Variants in LMAN2 observed in about 807,000 individuals in gnomAD.
LMAN2 encodes lectin, mannose binding 2, also known as vesicular integral-membrane protein VIP36.
Under a neutral mutation model 39.3 loss-of-function variants are expected in LMAN2, and 22 were observed. The observed-to-expected ratio is 0.56, with a 90% confidence interval of 0.40 to 0.80. The LOEUF is 0.80. Among genes scored for constraint, LMAN2 ranks in the 30% least tolerant of loss-of-function variants. The probability of loss-of-function intolerance (pLI) is 0.00; values close to 1 mark genes in which losing one functional copy is unlikely to be tolerated. For synonymous variants in LMAN2, 207 were observed against 207.8 expected (o/e 1.00, Z 0.03); for missense variants, 494 against 505.4 (o/e 0.98, Z 0.22).
At position 177,331,771 on chromosome 5, in the gene LMAN2, T is replaced by C. The variant is rs1761387073; in HGVS notation, c.*315A>G. The C allele has an allele frequency of 4.1e-6, 1 of 244,354 alleles. No individual in the cohort carries two copies. Among genetic ancestry groups the C allele is most frequent in the Non-Finnish European group, 7.9e-6 (1 of 126,178 alleles). The allele number at this position is 244,354 out of a possible 1,614,324, so 15.1% of individuals were successfully genotyped here. ...CCACGTCCTCAGGAGCCCACCCCAG[T>C]GTGGTCCGGGGGACCCTCCAGTGTT... On this transcript the variant is annotated 3_prime_UTR_variant, in exon 8 of 8. Transcript: ENST00000303127.
chr5:177,332,133 C>T lies in LMAN2; in HGVS notation c.1024G>A (p.Ala342Thr), dbSNP rs1280896813. ...LGIVVCAVVG[A>T]VVFQKRQERN... ...TCCTGCCGCTTCTGGAACACCACGG[C>T]CCCCACCACGGCGCAGACAACGATG... Residue 342 changes from alanine to threonine, a missense_variant, in exon 8 of 8, where the codon GCC (alanine) becomes ACC (threonine). Physicochemically the swap from Ala to Thr is moderately conservative, Grantham distance 58. Coordinates refer to ENST00000303127, the MANE Select transcript of LMAN2 (RefSeq NM_006816.3). The surrounding 1 kb of genome is among the most constrained non-coding windows in gnomAD (Gnocchi z 6.3). 2 of 1,613,634 alleles carry T rather than the reference C, an allele frequency of 1.2e-6. No individual in the cohort carries two copies. Among genetic ancestry groups the T allele is most frequent in the Non-Finnish European group, 1.7e-6 (2 of 1,179,934 alleles).
intron 3 of LMAN2, among the ~76,000 whole-genome samples, chr5:177,338,284 C>T (rs1761504106): frequency 6.6e-6 from 1 of 152,190 alleles, no homozygotes; most frequent in Non-Finnish European, 1.5e-5. Context: ...CCCAGCTGCT[C>T]CTCTCCCCTC....
Position 177,332,145 on chromosome 5 carries a change from C to A in LMAN2, c.1012G>T (p.Ala338Ser), listed in dbSNP as rs756842636. The A allele has an allele frequency of 6.2e-7, 1 of 1,613,588 alleles. No individual in the cohort carries two copies. The highest frequency in any genetic ancestry group is 1.3e-5 in the African/African-American group (1 of 74,930). Residue 338 changes from alanine to serine, a missense_variant, in exon 8 of 8, where the codon GCC becomes TCC. Transcript: ENST00000303127. The surrounding 1 kb of genome is among the most constrained non-coding windows in gnomAD (Gnocchi z 6.3). ...LCALLGIVVC[A>S]VVGAVVFQKR... ...TGGAACACCACGGCCCCCACCACGG[C>A]GCAGACAACGATGCCCAGGAGAGCG... is the stretch of plus-strand genomic sequence containing the variant.
chr5:177,345,274 G>C (rs1165326378), intron 2 of LMAN2, among the ~76,000 whole-genome samples: 1 of 148,160 alleles, frequency 6.7e-6, no homozygotes, highest in Non-Finnish European at 1.5e-5. Flanking sequence ...CCAGGAGACC[G>C]AGGCTGCAGT....
At chr5:177,340,819 A>C (rs1346245580) in intron 2 of LMAN2, among the ~76,000 whole-genome samples, 1 of 150,470 alleles carries the variant, frequency 6.6e-6, no homozygotes, top group African/African-American at 2.4e-5. Flanking sequence ...CAGTGGCACA[A>C]TCTCTGCTCA....
chr5:177,338,501 G>T lies in LMAN2; in HGVS notation c.420C>A (p.Asp140Glu). The T allele has an allele frequency of 6.2e-7, 1 of 1,614,138 alleles. No homozygotes were observed. The highest frequency in any genetic ancestry group is 1.1e-5 in the South Asian group (1 of 91,088). The change falls in exon 3 of 8, where the codon GAC becomes GAA. Residue 140 changes from aspartate to glutamate, a missense_variant. Asp to Glu is a conservative substitution (Grantham distance 45, BLOSUM62 2). Transcript: ENST00000303127. ...ACACCAGCCCACCTGGCACGAGGCG[G>T]TCCCGGGTGTACCACAAGGCGATGC... ...GDGIALWYTRDRLVPGPVFGS... is the reference protein window; with the variant it reads ...GDGIALWYTRERLVPGPVFGS...
chr5:177,344,271 C>T (rs1224945087), intron 2 of LMAN2, among the ~76,000 whole-genome samples: 12 of 140,814 alleles, frequency 8.5e-5, no homozygotes, highest in Non-Finnish European at 1.7e-4. Flanking sequence ...TAAAATGGTA[C>T]GCTTTGTTAC....
In LMAN2 at chr5:177,334,550, T is replaced by C. The variant is rs1761442063; in HGVS notation, c.791-147A>G. The C allele has an allele frequency of 2.6e-5, 27 of 1,056,810 alleles. No individual in the cohort carries two copies. In the Middle Eastern group the frequency reaches 8.8e-4, roughly 35 times the overall value. 65.5% of individuals were successfully genotyped at this position (1,056,810 alleles called of 1,614,324 possible). On this transcript the variant is annotated intron_variant, in intron 6 of 7. Transcript: ENST00000303127. Reference sequence around the variant, plus strand: ...GCACTGCCCAGCCGGCTAGGGCCTGTTTTCTTCCCAGCTCCCTCCAGTCAC... The same window carrying C: ...GCACTGCCCAGCCGGCTAGGGCCTGCTTTCTTCCCAGCTCCCTCCAGTCAC...
chr5:177,341,463 C>T (rs976308294), intron 2 of LMAN2, among the ~76,000 whole-genome samples: 11 of 152,166 alleles, frequency 7.2e-5, no homozygotes, highest in Non-Finnish European at 1.6e-4. Flanking sequence ...GGCTTCACGG[C>T]GGGAACAGCG....
chr5:177,333,452 A>C (rs866428335), intron 7 of LMAN2, among the ~76,000 whole-genome samples: 3 of 152,278 alleles, frequency 2.0e-5, no homozygotes, highest in Non-Finnish European at 4.4e-5. Flanking sequence ...CAAAGGTTGC[A>C]GCAAGGTTTG....
rs1310804073 is a variant in LMAN2, at chr5:177,331,889, G to C, written c.*197C>G. 5.2e-6 allele frequency: 3 copies of C among 576,022 alleles called. No homozygotes were observed. The highest frequency in any genetic ancestry group is 3.2e-5 in the Admixed American group (1 of 31,052). The allele number at this position is 576,022 out of a possible 1,614,324, so 35.7% of individuals were successfully genotyped here. A position where few individuals can be genotyped will look rare whatever the true frequency, so the allele number is the denominator to read the frequency against. On this transcript the variant is annotated 3_prime_UTR_variant, in exon 8 of 8. Transcript: ENST00000303127. ...CAGGAGAGCCTCCGTCTCCAGCTGTGGGGGGTGCCAGACCCTAAGCCTCGG... is the reference window on the plus strand; with the variant it reads ...CAGGAGAGCCTCCGTCTCCAGCTGTCGGGGGTGCCAGACCCTAAGCCTCGG...
Position 177,336,898 on chromosome 5 carries a change from G to T in LMAN2, c.790+238C>A, listed in dbSNP as rs1011586170. ...AGCCAGGTGAGCTCAGAAACCACAG[G>T]AACTGAGGCCCGGACAGGCCATTTA... On this transcript the variant is annotated intron_variant, in intron 6 of 7. Coordinates refer to ENST00000303127, the MANE Select transcript of LMAN2 (RefSeq NM_006816.3). 8.7e-6 allele frequency: 5 copies of T among 573,636 alleles called. No individual in the cohort carries two copies. In the East Asian group the frequency reaches 1.5e-4, roughly 17 times the overall value. The allele number at this position is 573,636 out of a possible 1,614,324, so 35.5% of individuals were successfully genotyped here.
At chr5:177,348,971 T>C (rs1761680462) in intron 2 of LMAN2, among the ~76,000 whole-genome samples, 1 of 152,114 alleles carries the variant, frequency 6.6e-6, no homozygotes, top group Non-Finnish European at 1.5e-5. Context: ...TAGTTTAAAA[T>C]GTCAATATTT....
At chr5:177,349,210 C>T (rs1166302392) in intron 2 of LMAN2, among the ~76,000 whole-genome samples, 1 of 152,102 alleles carries the variant, frequency 6.6e-6, no homozygotes, top group Non-Finnish European at 1.5e-5. Flanking sequence ...TTCATCTAGA[C>T]CACCCCCCCT....
In LMAN2 at chr5:177,337,784, C is replaced by T; in HGVS notation, c.435G>A (p.Gly145=). Residue 145 remains glycine (G), a splice_region_variant and synonymous_variant, in exon 4 of 8, where the codon GGG becomes GGA. Coordinates refer to ENST00000303127, the MANE Select transcript of LMAN2 (RefSeq NM_006816.3). This position sits in a 1 kb window ranked among gnomAD's most constrained non-coding sequence, Gnocchi z 8.2. ...AGTTATCTTTGCTTCCAAACACAGG[C>T]CCTAGAATTATAAGCAGATGCTCTC... is the stretch of plus-strand genomic sequence containing the variant. The part of the protein sequence containing the change: ...LWYTRDRLVP[G]PVFGSKDNFH... 1.2e-6 allele frequency: 2 copies of T among 1,613,564 alleles called. No individual in the cohort carries two copies. The highest frequency in any genetic ancestry group is 1.1e-5 in the South Asian group (1 of 90,984).
rs560514783 is a variant in LMAN2, at chr5:177,347,695, C to T, written c.315+3478G>A. Among the ~76,000 whole-genome samples the T allele has an allele frequency of 3.0e-4, 46 of 152,240 alleles. No homozygotes were observed. The South Asian group carries it at 8.5e-3, about 28-fold the overall frequency. On this transcript the variant is annotated intron_variant, in intron 2 of 7. Coordinates refer to ENST00000303127, the MANE Select transcript of LMAN2 (RefSeq NM_006816.3). The stretch of plus-strand genomic sequence containing the variant: ...GCAGTTTCCACATCTCTGCTTGCAA[C>T]GAAACGGAATGCAGATGTAATCAAC...
intron 2 of LMAN2, among the ~76,000 whole-genome samples, chr5:177,340,461 A>G (rs1238215882): frequency 6.6e-6 from 1 of 152,014 alleles, no homozygotes; most frequent in Non-Finnish European, 1.5e-5. Flanking sequence ...TCTAGTCTGG[A>G]GTGTCTATTG....
At chr5:177,346,963 G>A (rs934587099) in intron 2 of LMAN2, among the ~76,000 whole-genome samples, 7 of 152,086 alleles carry the variant, frequency 4.6e-5, no homozygotes, top group African/African-American at 1.2e-4. Context: ...AAGAACCTAC[G>A]TGGCACACTG....
rs1581602290 is a variant in LMAN2 at position 177,337,703 on chromosome 5, T to C, written c.513+3A>G. ...TGCTCAGCAGGATAGAGCAGGGGCC[T>C]ACCTCAGTGGTCTCATCATTGGGGT... On this transcript the variant is annotated splice_donor_region_variant and intron_variant, in intron 4 of 7. Coordinates refer to ENST00000303127, the MANE Select transcript of LMAN2 (RefSeq NM_006816.3). The surrounding 1 kb of genome is among the most constrained non-coding windows in gnomAD (Gnocchi z 8.2). The C allele has an allele frequency of 6.2e-7, 1 of 1,613,888 alleles. No homozygotes were observed. The highest frequency in any genetic ancestry group is 2.2e-5 in the East Asian group (1 of 44,884).
Sources: allele counts gnomAD v4.1 joint callset (sites outside exome capture counted in the v4.1 genomes callset), GRCh38; gene constraint gnomAD v4.1.1; non-coding constraint Gnocchi (gnomAD v3.1); transcripts MANE v1.5; gene names NCBI Gene and HGNC (gene_info 2026-07-23, HGNC 2026-07-21).